The following ANKFN1 variants were observed in gnomAD, a reference collection of about 807,000 sequenced individuals.
The protein encoded by ANKFN1 is ankyrin repeat and fibronectin type-III domain-containing protein 1.
ANKFN1 carries 74 observed loss-of-function variants against 108.7 expected under a neutral mutation model. The observed-to-expected ratio is 0.68, with a 90% confidence interval of 0.56 to 0.83. The LOEUF (loss-of-function observed/expected upper bound fraction) is 0.83, where lower values mean the gene tolerates loss of function less well. ANKFN1 is among the 40% of genes least tolerant of loss of function. The pLI is 0.00. For synonymous variants in ANKFN1, 547 were observed against 516.2 expected, an observed-to-expected ratio of 1.06 and a Z score of -0.81; for missense variants, 1,505 against 1,382.3, an observed-to-expected ratio of 1.09 and a Z score of -1.41.
intron 16 of ANKFN1, 54 bp from the exon 17 acceptor site, chr17:56,480,614 G>C (rs2050660477): frequency 6.4e-7 from 1 of 1,572,862 alleles, no homozygotes; most frequent in Admixed American, 1.7e-5. Flanking sequence ...AAAGTTCTGA[G>C]CTGTGTTCTG....
chr17:56,457,346 C>G lies in ANKFN1; in HGVS notation c.1397C>G (p.Ser466Cys). The G allele has an allele frequency of 6.2e-7, 1 of 1,607,050 alleles. No individual in the cohort carries two copies. Among genetic ancestry groups the G allele is most frequent in the Non-Finnish European group, 8.5e-7 (1 of 1,178,170 alleles). ...DQVPIVEIDD[S>C]HTSSITQDFL... ...GTACCAATTGTTGAAATAGATGACTCTCACACCAGTTCTATTACACAAGAT... is the reference window on the plus strand; with the variant it reads ...GTACCAATTGTTGAAATAGATGACTGTCACACCAGTTCTATTACACAAGAT... The change falls in exon 13 of 21, where the codon TCT becomes TGT. Residue 466 changes from serine to cysteine, a missense_variant. Coordinates refer to ENST00000682825, the MANE Select transcript of ANKFN1 (RefSeq NM_001370326.1).
At chr17:56,323,343 A>T (rs903228506) in intron 3 of ANKFN1, 20 of 152,622 alleles carry the variant, frequency 1.3e-4, no homozygotes, top group Non-Finnish European at 1.5e-5. Flanking sequence ...AGAACCAGAG[A>T]AATCTTCCTA....
chr17:56,215,453 T>C (rs1915353042), intron 2 of ANKFN1, among the ~76,000 whole-genome samples: 1 of 152,158 alleles, frequency 6.6e-6, no homozygotes, highest in Non-Finnish European at 1.5e-5. Flanking sequence ...AGGTGAGTTT[T>C]CTCAACTTAG....
intron 4 of ANKFN1, among the ~76,000 whole-genome samples, chr17:56,095,780 A>G (rs528237799): frequency 1.3e-3 from 192 of 152,326 alleles, no homozygotes; most frequent in Middle Eastern, 3.4e-3. Flanking sequence ...TGTGACTCAC[A>G]GGAGTGTCCA....
intron 1 of ANKFN1, among the ~76,000 whole-genome samples, chr17:56,200,912 CAGA>C (rs1913999579): frequency 6.6e-6 from 1 of 152,198 alleles, no homozygotes; most frequent in Non-Finnish European, 1.5e-5. Context: ...TCAAGGTCAT[CAGA>C]AGATTCTGAA....
At chr17:56,176,926 T>C (rs960852054) in intron 1 of ANKFN1, among the ~76,000 whole-genome samples, 4 of 152,180 alleles carry the variant, frequency 2.6e-5, no homozygotes, top group Non-Finnish European at 5.9e-5. Context: ...TTTGTCCAGA[T>C]TGAAACACTT....
intron 1 of ANKFN1, among the ~76,000 whole-genome samples, chr17:56,178,908 TTAA>T (rs1911423118): frequency 6.7e-6 from 1 of 149,748 alleles, no homozygotes; most frequent in Admixed American, 6.6e-5. Context: ...AATTCTATTA[TTAA>T]TATTAAGTTA....
rs1231494174 is a variant in ANKFN1, at chr17:56,223,416, G to C, written c.13-4501G>C. 4.6e-5 allele frequency among the ~76,000 whole-genome samples: 7 copies of C among 152,024 alleles called. No individual in the cohort carries two copies. The East Asian group carries it at 1.2e-3, about 25-fold the overall frequency. ...TACAAATATTTTTAACTGTTAAAAA[G>C]GTATAAAGAAATCAAAACACAAGGA... On this transcript the variant is annotated intron_variant, in intron 2 of 20. Transcript: ENST00000682825.
chr17:56,465,368 C>T (rs2050040680), intron 14 of ANKFN1, among the ~76,000 whole-genome samples: 1 of 152,172 alleles, frequency 6.6e-6, no homozygotes, highest in South Asian at 2.1e-4. Context: ...GCAGTCCCTA[C>T]CTGTGAGGGA....
chr17:56,312,939 G>A (rs2045080008), intron 3 of ANKFN1, among the ~76,000 whole-genome samples: 1 of 152,130 alleles, frequency 6.6e-6, no homozygotes, highest in South Asian at 2.1e-4. Flanking sequence ...GGTGGATCAC[G>A]AGGTCAGGAG....
chr17:56,214,564 T>C (rs1285355702), intron 2 of ANKFN1, among the ~76,000 whole-genome samples: 2 of 152,222 alleles, frequency 1.3e-5, no homozygotes, highest in Non-Finnish European at 1.5e-5. Flanking sequence ...CATACATACA[T>C]GGTTAGCGAA....
At chr17:56,371,819 G>A (rs544673690) in intron 6 of ANKFN1, among the ~76,000 whole-genome samples, 4 of 152,300 alleles carry the variant, frequency 2.6e-5, no homozygotes, top group East Asian at 3.9e-4. Context: ...TGACATGAAC[G>A]CAAGAGCAGG....
intron 3 of ANKFN1, among the ~76,000 whole-genome samples, chr17:56,314,177 T>G (rs2045128690): frequency 1.3e-5 from 2 of 152,370 alleles, no homozygotes; most frequent in African/African-American, 4.8e-5. Context: ...TAGCTATTAC[T>G]CTATTCATGA....
chr17:56,366,332 A>G (rs1656723764), intron 6 of ANKFN1, among the ~76,000 whole-genome samples: 1 of 152,234 alleles, frequency 6.6e-6, no homozygotes, highest in South Asian at 2.1e-4. Context: ...GGGAAAGCAG[A>G]AAAATTGTCA....
intron 8 of ANKFN1, among the ~76,000 whole-genome samples, chr17:56,406,111 A>T (rs892336568): frequency 1.3e-5 from 2 of 152,222 alleles, no homozygotes; most frequent in Non-Finnish European, 2.9e-5. Context: ...ATGGGAAAAA[A>T]TAGGTCAGAC....
chr17:56,196,580 T>TA (rs1014708060), intron 1 of ANKFN1, among the ~76,000 whole-genome samples: 3 of 151,704 alleles, frequency 2.0e-5, no homozygotes. Flanking sequence ...ACAAAATTTT[T>TA]AAAAAAAAAT....
intron 3 of ANKFN1, among the ~76,000 whole-genome samples, chr17:56,293,597 G>A (rs528107308): frequency 7.2e-5 from 11 of 152,296 alleles, no homozygotes; most frequent in South Asian, 4.1e-4. Context: ...GGGACAGTGG[G>A]ATAAGCTGTC....
chr17:56,283,744 G>C (rs990551622), intron 3 of ANKFN1, among the ~76,000 whole-genome samples: 4 of 151,928 alleles, frequency 2.6e-5, no homozygotes, highest in Non-Finnish European at 4.4e-5. Flanking sequence ...CAGGGGAAAG[G>C]GTGGGAGGGG....
intron 18 of ANKFN1, among the ~76,000 whole-genome samples, chr17:56,491,861 AGTAT>A (rs2051049914): frequency 6.6e-6 from 1 of 152,154 alleles, no homozygotes; most frequent in Non-Finnish European, 1.5e-5. Context: ...TTATTTTCCC[AGTAT>A]GTGTGTGTAT....
Sources: gnomAD v4.1 joint callset for allele counts (sites outside exome capture counted in the v4.1 genomes callset) on GRCh38, gnomAD v4.1.1 for gene constraint, MANE v1.5 for transcripts, NCBI Gene and HGNC (gene_info 2026-07-23, HGNC 2026-07-21) for gene names.